Variants in CENPP observed in about 807,000 individuals in gnomAD.
CENPP encodes the protein centromere protein P.
In CENPP, 24 loss-of-function variants were observed where a neutral mutation model predicts 35.6. The ratio of observed to expected loss-of-function variants is 0.67; its 90% CI spans 0.49 to 0.95. The LOEUF (loss-of-function observed/expected upper bound fraction) is 0.95. Among genes scored for constraint, CENPP ranks in the 40% least tolerant of loss-of-function variants. The pLI is 0.00. For missense variants in CENPP, 332 were observed against 345.3 expected (o/e 0.96, Z 0.31); for synonymous variants, 120 against 125.5 (o/e 0.96, Z 0.29).
At position 92,445,152 on chromosome 9, in the gene CENPP, C is replaced by G. The variant is rs1022821961; in HGVS notation, c.564+65293C>G. Among the ~76,000 whole-genome samples, 22 of 152,148 alleles carry G rather than the reference C, an allele frequency of 1.4e-4. No homozygotes were observed. The East Asian group carries it at 4.2e-3, about 29-fold the overall frequency. On this transcript the variant is annotated intron_variant, in intron 5 of 7. Coordinates refer to ENST00000375587, the MANE Select transcript of CENPP (RefSeq NM_001012267.3). Reference sequence around the variant, plus strand: ...CACTTCTCTAAGCAGCTTTCTCTGCCAACTTAAATGTTCAAGGTGGTCACA... The same window carrying G: ...CACTTCTCTAAGCAGCTTTCTCTGCGAACTTAAATGTTCAAGGTGGTCACA...
At chr9:92,425,745 T>C (rs1220907536) in intron 5 of CENPP, among the ~76,000 whole-genome samples, 1 of 152,222 alleles carries the variant, frequency 6.6e-6, no homozygotes, top group African/African-American at 2.4e-5. Flanking sequence ...TTTGAGACAT[T>C]GGTATGAAAA....
At chr9:92,399,469 C>A (rs370267555) in intron 5 of CENPP, among the ~76,000 whole-genome samples, 2 of 151,872 alleles carry the variant, frequency 1.3e-5, no homozygotes, top group Non-Finnish European at 1.5e-5. Flanking sequence ...AGCTCTTTAT[C>A]TAGTGATATT....
chr9:92,514,909 C>T lies in CENPP; in HGVS notation c.565-96405C>T, dbSNP rs781141251. On this transcript the variant is annotated intron_variant, in intron 5 of 7. Coordinates refer to ENST00000375587, the MANE Select transcript of CENPP (RefSeq NM_001012267.3). ...TTGGCGTTGTTGCTGGTGTGCCAGC[C>T]TCCTCTCCTCTCCAGGCCTCTGCTT... The T allele has an allele frequency of 1.3e-5, 21 of 1,593,724 alleles. No individual in the cohort carries two copies. The highest frequency in any genetic ancestry group is 1.7e-5 in the Non-Finnish European group (20 of 1,161,590).
intron 5 of CENPP, among the ~76,000 whole-genome samples, chr9:92,420,281 A>G (rs944917692): frequency 2.6e-5 from 4 of 152,224 alleles, no homozygotes; most frequent in Middle Eastern, 3.4e-3. Flanking sequence ...TCCCTCATCC[A>G]TACCTCCCAA....
chr9:92,612,992 T>A (rs774937679), intron 7 of CENPP, 27 bp from the exon 8 acceptor site: 1 of 1,613,480 alleles, frequency 6.2e-7, no homozygotes, highest in East Asian at 2.2e-5. Flanking sequence ...TTGAAGTTTC[T>A]TACCCGGTTT....
chr9:92,500,934 A>G lies in CENPP; in HGVS notation c.565-110380A>G, dbSNP rs34518968. 4,175 of 1,614,228 alleles carry G rather than the reference A, an allele frequency of 2.6e-3. 9 individuals carry two copies. Among genetic ancestry groups the G allele is most frequent in the Non-Finnish European group, 3.3e-3 (3,920 of 1,180,036 alleles). ...CAGGCCTGGTTCCATGTGGCCAAAC[A>G]CATAGCCAGGGATCCGTTCAATCTG... On this transcript the variant is annotated intron_variant, in intron 5 of 7. Transcript: ENST00000375587.
intron 5 of CENPP, among the ~76,000 whole-genome samples, chr9:92,511,228 C>T (rs984793380): frequency 6.6e-6 from 1 of 152,068 alleles, no homozygotes; most frequent in African/African-American, 2.4e-5. Flanking sequence ...CGAATTCAAG[C>T]GATTCTCCTG....
intron 4 of CENPP, among the ~76,000 whole-genome samples, chr9:92,360,935 C>T (rs930010986): frequency 1.3e-5 from 2 of 151,710 alleles, no homozygotes; most frequent in African/African-American, 4.8e-5. Context: ...TCTCGATCTC[C>T]TGACCTCGTG....
chr9:92,613,133 C>A lies in CENPP; in HGVS notation c.851C>A (p.Ala284Glu). The A allele has an allele frequency of 6.2e-7, 1 of 1,614,176 alleles. No homozygotes were observed. Among genetic ancestry groups the A allele is most frequent in the Non-Finnish European group, 8.5e-7 (1 of 1,180,038 alleles). ...GAAAGCCTGATAAAATCGCTTTGTGCAGAGGAGAACAACTAGTTCCAAAAC... is the reference window on the plus strand; with the variant it reads ...GAAAGCCTGATAAAATCGCTTTGTGAAGAGGAGAACAACTAGTTCCAAAAC... ...ALESLIKSLC[A>E]EENN The change falls in exon 8 of 8, where the codon GCA (alanine) becomes GAA (glutamate). Residue 284 changes from alanine (A) to glutamate (E), a missense_variant. Transcript: ENST00000375587.
intron 5 of CENPP, among the ~76,000 whole-genome samples, chr9:92,551,790 G>C (rs1326626278): frequency 1.1e-4 from 16 of 151,404 alleles, no homozygotes; most frequent in Admixed American, 1.1e-3. Context: ...TTCCATTCCT[G>C]AGTAACTTCA....
At chr9:92,445,286 G>A (rs768928286) in intron 5 of CENPP, among the ~76,000 whole-genome samples, 3 of 152,076 alleles carry the variant, frequency 2.0e-5, no homozygotes, top group South Asian at 4.1e-4. Context: ...AATGAGTCCC[G>A]GTGCGTGGTA....
At chr9:92,527,574 A>C (rs574325818) in intron 5 of CENPP, among the ~76,000 whole-genome samples, 133 of 152,322 alleles carry the variant, frequency 8.7e-4, no homozygotes, top group Admixed American at 2.2e-3. Flanking sequence ...GATTCTTAGA[A>C]GTCTGCTTCA....
At chr9:92,404,359 A>AT (rs1322494417) in intron 5 of CENPP, 8 of 435,964 alleles carry the variant, frequency 1.8e-5, no homozygotes, top group Non-Finnish European at 2.6e-5. Context: ...GATGATATAC[A>AT]TAAGTACTTC....
At chr9:92,365,101 C>T (rs1299884145) in intron 4 of CENPP, among the ~76,000 whole-genome samples, 3 of 152,138 alleles carry the variant, frequency 2.0e-5, no homozygotes, top group Non-Finnish European at 2.9e-5. Flanking sequence ...AAAAGCCCGT[C>T]TTCATAAACT....
chr9:92,329,182 CTTTTTTT>C (rs11366828), intron 1 of CENPP, among the ~76,000 whole-genome samples: 2 of 104,430 alleles, frequency 1.9e-5, no homozygotes, highest in East Asian at 2.3e-4. Context: ...ATATTTATGG[CTTTTTTT>C]TTTTTTTTTT....
intron 4 of CENPP, among the ~76,000 whole-genome samples, chr9:92,376,851 G>A (rs1213889266): frequency 6.6e-6 from 1 of 151,926 alleles, no homozygotes; most frequent in African/African-American, 2.4e-5. Context: ...GACCAGCCTG[G>A]CCAATATGGT....
intron 5 of CENPP, among the ~76,000 whole-genome samples, chr9:92,574,973 C>G (rs1850244439): frequency 6.6e-6 from 1 of 152,176 alleles, no homozygotes; most frequent in African/African-American, 2.4e-5. Flanking sequence ...AAATGACATT[C>G]ATTTAACACA....
chr9:92,525,174 TG>T (rs1848313884), intron 5 of CENPP, among the ~76,000 whole-genome samples: 1 of 152,032 alleles, frequency 6.6e-6, no homozygotes, highest in African/African-American at 2.4e-5. Context: ...AAAAATTAGC[TG>T]GGCATGGTGG....
intron 5 of CENPP, chr9:92,501,109 T>C (rs1846646943): frequency 6.4e-7 from 1 of 1,551,298 alleles, no homozygotes; most frequent in Non-Finnish European, 8.8e-7. Flanking sequence ...GATCATCAGC[T>C]CTAAATTTTG....
Sources: gnomAD v4.1 joint callset for allele counts (sites outside exome capture counted in the v4.1 genomes callset) on GRCh38, gnomAD v4.1.1 for gene constraint, MANE v1.5 for transcripts, NCBI Gene and HGNC (gene_info 2026-07-23, HGNC 2026-07-21) for gene names.